RNF19B: variants seen among roughly 807,000 people sequenced by gnomAD.
RNF19B encodes the protein E3 ubiquitin-protein ligase RNF19B.
Under a neutral mutation model 65.5 loss-of-function variants are expected in RNF19B, and 23 were observed. That is an observed-to-expected ratio of 0.35 (90% CI 0.25 to 0.50). The LOEUF is 0.50. Ranked by LOEUF, RNF19B falls within the 20% of genes least tolerant of loss-of-function variation. RNF19B has a pLI of 0.98. For missense variants in RNF19B, 794 were observed against 980.0 expected (o/e 0.81, Z 2.53); for synonymous variants, 372 against 379.6 (o/e 0.98, Z 0.23).
chr1:32,947,911 G>C (rs1344483277), intron 3 of RNF19B, among the ~76,000 whole-genome samples: 1 of 152,146 alleles, frequency 6.6e-6, no homozygotes, highest in Non-Finnish European at 1.5e-5. Context: ...AACTGAACAA[G>C]TTGAGATAAA....
At chr1:32,958,879 G>C (rs1266160888) in intron 1 of RNF19B, among the ~76,000 whole-genome samples, 1 of 152,108 alleles carries the variant, frequency 6.6e-6, no homozygotes, top group Non-Finnish European at 1.5e-5. Context: ...TTTAGTACAA[G>C]TACTTTGGCA....
At chr1:32,935,549 C>T (rs907081478), downstream of RNF19B, among the ~76,000 whole-genome samples, 1 of 152,214 alleles carries the variant, frequency 6.6e-6, no homozygotes, top group Non-Finnish European at 1.5e-5. Flanking sequence ...GGCATACCCC[C>T]TCCTTTCATT....
intron 1 of RNF19B, 145 bp downstream of exon 1, chr1:32,963,906 T>C (rs1289595674): frequency 7.7e-7 from 1 of 1,301,368 alleles, no homozygotes; most frequent in African/African-American, 1.6e-5. Flanking sequence ...ACCACTAGTC[T>C]GGGCTTGCCT....
In RNF19B at chr1:32,964,632, G is replaced by A; in HGVS notation, c.54C>T (p.Ala18=). The A allele has an allele frequency of 1.4e-6, 2 of 1,473,772 alleles. No homozygotes were observed. The highest frequency in any genetic ancestry group is 1.8e-6 in the Non-Finnish European group (2 of 1,116,454). 91.3% of individuals were successfully genotyped at this position (1,473,772 alleles called of 1,614,324 possible). Reference sequence around the variant, plus strand: ...CGCTGCGGCACTTAGGGTCGGGTGCGGCCGCATGTAGCGATGTGGAGCGCG... The same window carrying A: ...CGCTGCGGCACTTAGGGTCGGGTGCAGCCGCATGTAGCGATGTGGAGCGCG... ...ESPRSTSLHA[A]APDPKCRSGG... Residue 18 remains alanine, a synonymous_variant, in exon 1 of 9, where the codon GCC becomes GCT. Transcript: ENST00000235150. This position sits in a 1 kb window ranked among gnomAD's most constrained non-coding sequence, Gnocchi z 6.5.
intron 3 of RNF19B, among the ~76,000 whole-genome samples, chr1:32,947,801 A>C (rs141511223): frequency 1.3e-5 from 2 of 152,280 alleles, no homozygotes; most frequent in East Asian, 3.9e-4. Context: ...TAAAGTACTG[A>C]CGATATTTAT....
downstream of RNF19B, among the ~76,000 whole-genome samples, chr1:32,936,161 A>G (rs951012794): frequency 6.6e-6 from 1 of 152,222 alleles, no homozygotes; most frequent in African/African-American, 2.4e-5. Flanking sequence ...AGTAAATTGC[A>G]CAGTTGCTTC....
Position 32,964,287 on chromosome 1 carries a change from G to A in RNF19B, c.399C>T (p.Arg133=), listed in dbSNP as rs1178070517. ...LVRLPPERAP[R]LLSCPHRSCR... ...ACGAGCGGTGCGGACAGCTGAGGAG[G>A]CGCGGGGCCCGCTCAGGCGGCAGCC... is the stretch of plus-strand genomic sequence containing the variant. Residue 133 remains arginine, a synonymous_variant, in exon 1 of 9, where the codon CGC becomes CGT. Coordinates refer to ENST00000235150, the MANE Select transcript of RNF19B (RefSeq NM_001300826.2). The surrounding 1 kb of genome is among the most constrained non-coding windows in gnomAD (Gnocchi z 6.5). 14 of 1,525,894 alleles carry A rather than the reference G, an allele frequency of 9.2e-6. No homozygotes were observed. The highest frequency in any genetic ancestry group is 1.2e-5 in the Non-Finnish European group (14 of 1,140,030). The allele number at this position is 1,525,894 out of a possible 1,614,324, so 94.5% of individuals were successfully genotyped here. A position where few individuals can be genotyped will look rare whatever the true frequency, so the allele number is the denominator to read the frequency against.
At chr1:32,949,883 G>A (rs931020250) in intron 1 of RNF19B, 109 bp from the exon 2 acceptor site, 41 of 767,530 alleles carry the variant, frequency 5.3e-5, no homozygotes, top group Non-Finnish European at 7.6e-5. Flanking sequence ...TATCACATAT[G>A]ATACAGAGAA....
At position 32,945,592 on chromosome 1, in the gene RNF19B, G is replaced by A. The variant is rs1029124119; in HGVS notation, c.1183C>T (p.His395Tyr). 1 of 1,613,624 alleles carries A rather than the reference G, an allele frequency of 6.2e-7. No individual in the cohort carries two copies. ...SRYEGRKTSK[H>Y]KRNLAITGGV... ...CCAGTGATAGCCAAATTCCTCTTGTGTTTGGAGGTTTTCCTTCCCTCATAC... is the reference window on the plus strand; with the variant it reads ...CCAGTGATAGCCAAATTCCTCTTGTATTTGGAGGTTTTCCTTCCCTCATAC... Residue 395 changes from histidine to tyrosine, a missense_variant, in exon 5 of 9, where the codon CAC becomes TAC. Physicochemically the swap from His to Tyr is moderately conservative, Grantham distance 83 (BLOSUM62 2). Around this residue, in one of 3 missense-constraint regions of RNF19B, gnomAD observed 368 missense variants for 447.3 expected, o/e 0.82. Transcript: ENST00000235150.
At chr1:32,958,903 T>C (rs1214520775) in intron 1 of RNF19B, among the ~76,000 whole-genome samples, 3 of 151,914 alleles carry the variant, frequency 2.0e-5, no homozygotes. Flanking sequence ...CTGAGACAGA[T>C]GTATTGGGAT....
At chr1:32,950,737 C>T (rs1269456403) in intron 1 of RNF19B, among the ~76,000 whole-genome samples, 1 of 151,744 alleles carries the variant, frequency 6.6e-6, no homozygotes, top group Non-Finnish European at 1.5e-5. Flanking sequence ...GGGTTTCGCC[C>T]CATTGCCCAG....
At chr1:32,958,087 G>A (rs1642683186) in intron 1 of RNF19B, among the ~76,000 whole-genome samples, 1 of 152,176 alleles carries the variant, frequency 6.6e-6, no homozygotes, top group South Asian at 2.1e-4. Flanking sequence ...AAGGTTTATG[G>A]TTAAATAAGG....
intron 3 of RNF19B, among the ~76,000 whole-genome samples, chr1:32,947,023 A>G (rs1194816288): frequency 8.5e-5 from 13 of 152,200 alleles, no homozygotes; most frequent in Non-Finnish European, 1.8e-4. Flanking sequence ...GAGGATATAA[A>G]AAGACCTCAT....
chr1:32,938,140 C>CAAAAAAAAAAAAAAAAAAAAAAAAAA (rs80176999), intron 8 of RNF19B, among the ~76,000 whole-genome samples: 3 of 46,040 alleles, frequency 6.5e-5, no homozygotes, highest in Non-Finnish European at 1.2e-4. Flanking sequence ...CCAAGAAAGA[C>CAAAAAAAAAAAAAAAAAAAAAAAAAA]AAAAAAAAAA....
intron 1 of RNF19B, among the ~76,000 whole-genome samples, chr1:32,958,654 T>C (rs757116499): frequency 1.8e-4 from 27 of 151,624 alleles, no homozygotes; most frequent in African/African-American, 2.7e-4. Flanking sequence ...AGGTGGAGCT[T>C]GCAGTGAGCC....
At chr1:32,941,217 AAAAC>A (rs1642223071) in intron 7 of RNF19B, among the ~76,000 whole-genome samples, 1 of 151,766 alleles carries the variant, frequency 6.6e-6, no homozygotes, top group South Asian at 2.1e-4. Flanking sequence ...AGTGAGAAAA[AAAAC>A]AAAAAAAAAT....
At chr1:32,951,012 G>C (rs1642483468) in intron 1 of RNF19B, among the ~76,000 whole-genome samples, 1 of 151,804 alleles carries the variant, frequency 6.6e-6, no homozygotes, top group Non-Finnish European at 1.5e-5. Flanking sequence ...GCTAATTTTT[G>C]TATTTTTGTA....
chr1:32,952,201 A>T (rs951749821), intron 1 of RNF19B, among the ~76,000 whole-genome samples: 3 of 151,896 alleles, frequency 2.0e-5, no homozygotes, highest in Admixed American at 6.6e-5. Context: ...TCACACAAAC[A>T]ATCCAATATA....
chr1:32,953,881 C>T (rs1207943093), intron 1 of RNF19B, among the ~76,000 whole-genome samples: 1 of 147,212 alleles, frequency 6.8e-6, no homozygotes, highest in Non-Finnish European at 1.5e-5. Flanking sequence ...TGTTTATTAA[C>T]ATTCCCCCAG....
Sources: allele counts gnomAD v4.1 joint callset (sites outside exome capture counted in the v4.1 genomes callset), GRCh38; gene constraint gnomAD v4.1.1; regional missense constraint gnomAD v4.1.1; non-coding constraint Gnocchi (gnomAD v3.1); transcripts MANE v1.5; gene names NCBI Gene and HGNC (gene_info 2026-07-23, HGNC 2026-07-21).